UVRAG: variants seen among roughly 807,000 people sequenced by gnomAD.
UVRAG encodes the protein UV radiation resistance-associated gene protein.
UVRAG carries 19 observed loss-of-function variants against 78.0 expected under a neutral mutation model. The ratio of observed to expected loss-of-function variants is 0.24; its 90% CI spans 0.17 to 0.36. The LOEUF is 0.36. Ranked by LOEUF, UVRAG falls within the 10% of genes least tolerant of loss-of-function variation. The pLI is 1.00. For missense variants in UVRAG, 740 were observed against 853.8 expected (o/e 0.87, Z 1.66); for synonymous variants, 323 against 324.6 (o/e 1.00, Z 0.05).
At chr11:75,843,706 C>A in intron 1 of UVRAG, among the ~76,000 whole-genome samples, 1 of 152,096 alleles carries the variant, frequency 6.6e-6, no homozygotes, top group Admixed American at 6.5e-5. Context: ...TGCCTGTAAT[C>A]CCAGCACTTT....
intron 12 of UVRAG, among the ~76,000 whole-genome samples, chr11:76,028,892 A>C (rs1950381528): frequency 6.6e-6 from 1 of 152,194 alleles, no homozygotes; most frequent in South Asian, 2.1e-4. Context: ...GGCTACACTA[A>C]ACAACAGATT....
At chr11:75,898,105 G>A (rs1007990100) in intron 5 of UVRAG, among the ~76,000 whole-genome samples, 43 of 151,414 alleles carry the variant, frequency 2.8e-4, no homozygotes, top group African/African-American at 1.0e-3. Context: ...TCCTGACCTC[G>A]TGATCCACCC....
chr11:75,864,168 A>G (rs1401989856), intron 3 of UVRAG, among the ~76,000 whole-genome samples: 1 of 150,874 alleles, frequency 6.6e-6, no homozygotes, highest in Non-Finnish European at 1.5e-5. Flanking sequence ...CGATCCTCTT[A>G]CCTCAGCCTC....
intron 5 of UVRAG, among the ~76,000 whole-genome samples, chr11:75,898,249 A>G (rs1947395237): frequency 1.3e-5 from 2 of 152,180 alleles, no homozygotes; most frequent in African/African-American, 4.8e-5. Flanking sequence ...GGTAGGGCCA[A>G]TTTATCATTA....
At chr11:75,977,177 T>G (rs1463107185) in intron 7 of UVRAG, among the ~76,000 whole-genome samples, 2 of 152,148 alleles carry the variant, frequency 1.3e-5, no homozygotes, top group Non-Finnish European at 2.9e-5. Flanking sequence ...AGTTGAGCGG[T>G]TTTGAGTGAG....
intron 1 of UVRAG, among the ~76,000 whole-genome samples, chr11:75,828,316 C>T (rs913556285): frequency 2.0e-5 from 3 of 151,762 alleles, no homozygotes; most frequent in East Asian, 3.9e-4. Flanking sequence ...CTATCAAAAA[C>T]GTCAGTATAA....
At chr11:76,092,530 C>T (rs989760875) in intron 13 of UVRAG, among the ~76,000 whole-genome samples, 1 of 152,200 alleles carries the variant, frequency 6.6e-6, no homozygotes, top group Non-Finnish European at 1.5e-5. Flanking sequence ...GATCGCCATT[C>T]TAATTGGCGT....
At chr11:76,074,524 T>C (rs1446895370) in intron 13 of UVRAG, among the ~76,000 whole-genome samples, 1 of 152,220 alleles carries the variant, frequency 6.6e-6, no homozygotes, top group Non-Finnish European at 1.5e-5. Flanking sequence ...AATGATGATT[T>C]ACATTTGTAT....
intron 7 of UVRAG, among the ~76,000 whole-genome samples, chr11:75,971,091 T>C (rs1479216574): frequency 6.6e-6 from 1 of 152,248 alleles, no homozygotes; most frequent in Non-Finnish European, 1.5e-5. Flanking sequence ...TGATTTCATA[T>C]AGTAGGAATC....
At chr11:76,010,298 C>T (rs1950027093) in intron 11 of UVRAG, among the ~76,000 whole-genome samples, 1 of 152,164 alleles carries the variant, frequency 6.6e-6, no homozygotes, top group Non-Finnish European at 1.5e-5. Context: ...AGAAAGTAAA[C>T]ATGTTCTCTC....
chr11:76,008,674 C>G, intron 10 of UVRAG, 133 bp from the exon 11 acceptor site: 1 of 485,830 alleles, frequency 2.1e-6, no homozygotes, highest in Non-Finnish European at 3.7e-6. Context: ...TACTCATCAT[C>G]CAGCTTCAAC....
intron 13 of UVRAG, among the ~76,000 whole-genome samples, chr11:76,085,013 G>A (rs771857405): frequency 4.9e-5 from 7 of 142,302 alleles, no homozygotes; most frequent in African/African-American, 1.1e-4. Context: ...GCAGTGAGCC[G>A]AGATTGCACC....
chr11:76,117,447 G>A lies in UVRAG; in HGVS notation c.1397+1432G>A, dbSNP rs76891758. Among the ~76,000 whole-genome samples, 1,056 of 152,206 alleles carry A rather than the reference G, an allele frequency of 6.9e-3. 27 individuals are homozygous for A. The highest frequency in any genetic ancestry group is 3.2e-3 in the Non-Finnish European group (219 of 67,990). ...ATTTCCAGGATCCCTATTCTGTTCT[G>A]TTGCTTTATTTGGCTAGCCATCGAT... On this transcript the variant is annotated intron_variant, in intron 14 of 14. Coordinates refer to ENST00000356136, the MANE Select transcript of UVRAG (RefSeq NM_003369.4).
intron 7 of UVRAG, among the ~76,000 whole-genome samples, chr11:75,975,299 T>G (rs1414340339): frequency 1.3e-5 from 2 of 152,218 alleles, no homozygotes; most frequent in African/African-American, 4.8e-5. Context: ...TCAGGTATTG[T>G]GATGCCTCTA....
At position 75,983,395 on chromosome 11, in the gene UVRAG, A is replaced by T. The variant is rs746973414; in HGVS notation, c.708A>T (p.Lys236Asn). ...LTSTSNELKK[K>N]SECLQLKILV... The stretch of plus-strand genomic sequence containing the variant: ...TGATTTTATTTATTTAGAAAAAAAA[A>T]AGTGAATGCCTGCAGTTAAAAATTT... Residue 236 changes from lysine to asparagine, a missense_variant, in exon 8 of 15, where the codon AAA (lysine) becomes AAT (asparagine). Physicochemically the swap from Lys to Asn is moderately conservative, Grantham distance 94. Coordinates refer to ENST00000356136, the MANE Select transcript of UVRAG (RefSeq NM_003369.4). The T allele has an allele frequency of 1.9e-6, 3 of 1,589,890 alleles. No individual in the cohort carries two copies. The highest frequency in any genetic ancestry group is 1.2e-5 in the South Asian group (1 of 85,584).
At chr11:76,086,266 C>G (rs987804913) in intron 13 of UVRAG, among the ~76,000 whole-genome samples, 20 of 152,286 alleles carry the variant, frequency 1.3e-4, no homozygotes, top group Non-Finnish European at 2.5e-4. Flanking sequence ...CTTTACACAT[C>G]TGTAAAGCTG....
At chr11:75,974,481 C>G (rs1949193312) in intron 7 of UVRAG, among the ~76,000 whole-genome samples, 1 of 151,084 alleles carries the variant, frequency 6.6e-6, no homozygotes, top group Non-Finnish European at 1.5e-5. Context: ...ATTCTCCTGC[C>G]TCAGCCTCCC....
chr11:75,981,740 T>G lies in UVRAG; in HGVS notation c.700-1647T>G, dbSNP rs375276692. The stretch of plus-strand genomic sequence containing the variant: ...GTCCCTGATGTTTTGTTCATTTTTT[T>G]TCAAGGCTATTTTCTCTCTTGCTAA... On this transcript the variant is annotated intron_variant, in intron 7 of 14. Transcript: ENST00000356136. 6.0e-4 allele frequency among the ~76,000 whole-genome samples: 92 copies of G among 152,290 alleles called. 1 individual carries two copies. The highest frequency in any genetic ancestry group is 2.2e-3 in the African/African-American group (90 of 41,562).
chr11:75,938,689 C>A (rs574372125), intron 6 of UVRAG, among the ~76,000 whole-genome samples: 5 of 152,300 alleles, frequency 3.3e-5, no homozygotes, highest in African/African-American at 1.2e-4. Flanking sequence ...CCTGTGAAAT[C>A]TCTGCTTTTT....
Sources: allele counts gnomAD v4.1 joint callset (sites outside exome capture counted in the v4.1 genomes callset), GRCh38; gene constraint gnomAD v4.1.1; transcripts MANE v1.5; gene names NCBI Gene and HGNC (gene_info 2026-07-23, HGNC 2026-07-21).